Variants in TUBB4B observed in about 807,000 individuals in gnomAD.
TUBB4B encodes tubulin beta-4B chain.
Under a neutral mutation model 34.3 loss-of-function variants are expected in TUBB4B, and 7 were observed. That is an observed-to-expected ratio of 0.20 (90% CI 0.12 to 0.38). The LOEUF (loss-of-function observed/expected upper bound fraction) is 0.38. Ranked by LOEUF, TUBB4B falls within the 10% of genes least tolerant of loss-of-function variation. The pLI is 1.00. For missense variants in TUBB4B, 178 were observed against 610.9 expected (o/e 0.29, Z 7.47); for synonymous variants, 390 against 250.2 (o/e 1.56, Z -5.27).
chr9:137,241,350 C>T lies in TUBB4B; in HGVS notation c.-11C>T, dbSNP rs758324080. ...ACTTCCTCCTGCTTCCCCGCCGCCG[C>T]CGCCGCCATCATGAGGGAAATCGTG... is the stretch of plus-strand genomic sequence containing the variant. On this transcript the variant is annotated 5_prime_UTR_variant, in exon 1 of 4. Coordinates refer to ENST00000340384, the MANE Select transcript of TUBB4B (RefSeq NM_006088.6). 1.3e-6 allele frequency: 2 copies of T among 1,599,718 alleles called. No homozygotes were observed. The highest frequency in any genetic ancestry group is 1.7e-6 in the Non-Finnish European group (2 of 1,177,204).
chr9:137,241,780 C>A lies in TUBB4B; in HGVS notation c.117C>A (p.Asp39Glu), dbSNP rs761729901. ...GIDPTGTYHG[D>E]SDLQLERINV... ...ACCCCACGGGCACCTACCACGGGGACAGCGACCTGCAGCTGGAACGCATCA... is the reference window on the plus strand; with the variant it reads ...ACCCCACGGGCACCTACCACGGGGAAAGCGACCTGCAGCTGGAACGCATCA... Residue 39 changes from aspartate to glutamate, a missense_variant, in exon 2 of 4, where the codon GAC (aspartate) becomes GAA (glutamate). Transcript: ENST00000340384. 1 of 1,612,344 alleles carries A rather than the reference C, an allele frequency of 6.2e-7. No homozygotes were observed. Among genetic ancestry groups the A allele is most frequent in the South Asian group, 1.1e-5 (1 of 91,086 alleles).
At chr9:137,241,440 C>G (rs771523919) in intron 1 of TUBB4B, 23 bp downstream of exon 1, 1 of 1,561,406 alleles carries the variant, frequency 6.4e-7, no homozygotes, top group Admixed American at 1.8e-5. Context: ...GGCGCTGGGG[C>G]CAGGCGGGCC....
chr9:137,241,773 A>G lies in TUBB4B; in HGVS notation c.110A>G (p.His37Arg). ...EHGIDPTGTY[H>R]GDSDLQLERI... The stretch of plus-strand genomic sequence containing the variant: ...GGCATCGACCCCACGGGCACCTACC[A>G]CGGGGACAGCGACCTGCAGCTGGAA... Residue 37 changes from histidine (H) to arginine (R), a missense_variant, in exon 2 of 4, where the codon CAC becomes CGC. Coordinates refer to ENST00000340384, the MANE Select transcript of TUBB4B (RefSeq NM_006088.6). The G allele has an allele frequency of 6.2e-7, 1 of 1,612,186 alleles. No individual in the cohort carries two copies. The highest frequency in any genetic ancestry group is 8.5e-7 in the Non-Finnish European group (1 of 1,179,530).
At chr9:137,242,120 TCCTCTTCTCTGAGCCACTCAATCC>T in intron 3 of TUBB4B, 99 bp downstream of exon 3, 1 of 1,192,064 alleles carries the variant, frequency 8.4e-7, no homozygotes, top group Non-Finnish European at 1.2e-6. Flanking sequence ...CTGGACGCCC[TCCTCTTCTCTGAGCCACTCAATCC>T]CCTCTACTAA....
rs754121876 is a variant in TUBB4B at position 137,242,567 on chromosome 9, C to T, written c.349C>T (p.Leu117=). ...TEGAELVDSV[L]DVVRKEAESC... is the part of the protein sequence containing the mutation. ...AGGCGCGGAGCTGGTGGACTCGGTG[C>T]TGGATGTTGTGAGAAAGGAGGCTGA... Residue 117 remains leucine, a synonymous_variant, in exon 4 of 4, where the codon CTG becomes TTG. Transcript: ENST00000340384. The T allele has an allele frequency of 1.9e-5, 31 of 1,613,014 alleles. No individual in the cohort carries two copies. In the Middle Eastern group the frequency reaches 4.9e-4, roughly 26 times the overall value.
chr9:137,242,464 G>A lies in TUBB4B; in HGVS notation c.278-32G>A, dbSNP rs567714031. Reference sequence around the variant, plus strand: ...GGTGACCAGTAGTGCTGTCTACCTGGCTGACAAATGATTAGCTGTGTTCTC... The same window carrying A: ...GGTGACCAGTAGTGCTGTCTACCTGACTGACAAATGATTAGCTGTGTTCTC... On this transcript the variant is annotated intron_variant, in intron 3 of 3. Transcript: ENST00000340384. 2.3e-5 allele frequency: 36 copies of A among 1,599,252 alleles called. No homozygotes were observed. The South Asian group carries it at 3.2e-4, about 14-fold the overall frequency.
At chr9:137,242,331 T>C (rs1467553739) in intron 3 of TUBB4B, 165 bp from the exon 4 acceptor site, 10 of 853,278 alleles carry the variant, frequency 1.2e-5, no homozygotes, top group Admixed American at 2.9e-5. Context: ...ACTTAATTCG[T>C]AGCAGGGCAG....
intron 1 of TUBB4B, 148 bp downstream of exon 1, chr9:137,241,565 C>T (rs1368681786): frequency 3.6e-6 from 3 of 843,732 alleles, no homozygotes; most frequent in African/African-American, 1.8e-5. Flanking sequence ...GCCGGGCGAC[C>T]GAAGCCCCCA....
At chr9:137,241,869 C>T (rs972560993) in intron 2 of TUBB4B, 40 bp downstream of exon 2, 5 of 1,611,352 alleles carry the variant, frequency 3.1e-6, no homozygotes, top group South Asian at 2.2e-5. Flanking sequence ...CTCCGGGGAC[C>T]CCGCGGCCCC....
Position 137,242,582 on chromosome 9 carries a change from A to C in TUBB4B, c.364A>C (p.Lys122Gln). 6.2e-7 allele frequency: 1 copy of C among 1,613,884 alleles called. No homozygotes were observed. The highest frequency in any genetic ancestry group is 8.5e-7 in the Non-Finnish European group (1 of 1,180,012). Residue 122 changes from lysine to glutamine, a missense_variant, in exon 4 of 4, where the codon AAG becomes CAG. Transcript: ENST00000340384. ...LVDSVLDVVR[K>Q]EAESCDCLQG... ...GGACTCGGTGCTGGATGTTGTGAGA[A>C]AGGAGGCTGAGAGCTGTGACTGCCT...
rs1356121367 is a variant in TUBB4B at position 137,243,352 on chromosome 9, C to A, written c.1134C>A (p.Phe378Leu). 5.0e-6 allele frequency: 8 copies of A among 1,613,456 alleles called. No individual in the cohort carries two copies. The highest frequency in any genetic ancestry group is 2.2e-5 in the East Asian group (1 of 44,906). ...IGNSTAIQEL[F>L]KRISEQFTAM... ...ACAGCACGGCCATCCAGGAGCTGTTCAAGCGCATCTCCGAGCAGTTCACGG... is the reference window on the plus strand; with the variant it reads ...ACAGCACGGCCATCCAGGAGCTGTTAAAGCGCATCTCCGAGCAGTTCACGG... Residue 378 changes from phenylalanine to leucine, a missense_variant, in exon 4 of 4, where the codon TTC becomes TTA. By Grantham distance (22) the Phe-to-Leu change is conservative. Transcript: ENST00000340384.
Position 137,241,328 on chromosome 9 carries a change from T to G in TUBB4B, c.-33T>G. On this transcript the variant is annotated 5_prime_UTR_variant, in exon 1 of 4. Coordinates refer to ENST00000340384, the MANE Select transcript of TUBB4B (RefSeq NM_006088.6). ...GCTCTTCTGCTGCTGTTTGTCTACTTCCTCCTGCTTCCCCGCCGCCGCCGC... is the reference window on the plus strand; with the variant it reads ...GCTCTTCTGCTGCTGTTTGTCTACTGCCTCCTGCTTCCCCGCCGCCGCCGC... The G allele has an allele frequency of 1.3e-6, 2 of 1,590,158 alleles. No individual in the cohort carries two copies. The highest frequency in any genetic ancestry group is 1.4e-5 in the African/African-American group (1 of 73,916).
At chr9:137,242,090 G>T in intron 3 of TUBB4B, 69 bp downstream of exon 3, 4 of 1,487,330 alleles carry the variant, frequency 2.7e-6, no homozygotes, top group Non-Finnish European at 3.7e-6. Context: ...ACCGCCGTGG[G>T]AACTGCGCAG....
In TUBB4B at chr9:137,241,331, T is replaced by G. The variant is rs777529487; in HGVS notation, c.-30T>G. On this transcript the variant is annotated 5_prime_UTR_variant, in exon 1 of 4. Transcript: ENST00000340384. ...CTTCTGCTGCTGTTTGTCTACTTCCTCCTGCTTCCCCGCCGCCGCCGCCGC... is the reference window on the plus strand; with the variant it reads ...CTTCTGCTGCTGTTTGTCTACTTCCGCCTGCTTCCCCGCCGCCGCCGCCGC... 2.5e-6 allele frequency: 4 copies of G among 1,590,750 alleles called. No individual in the cohort carries two copies. The highest frequency in any genetic ancestry group is 1.7e-4 in the Middle Eastern group (1 of 6,032).
chr9:137,241,487 C>G (rs960695389), intron 1 of TUBB4B, 70 bp downstream of exon 1: 1 of 1,207,296 alleles, frequency 8.3e-7, no homozygotes, highest in African/African-American at 1.6e-5. Context: ...GGGAAGATGG[C>G]GGCAGCAGCG....
Position 137,242,315 on chromosome 9 carries a change from C to T in TUBB4B, c.278-181C>T, listed in dbSNP as rs551052532. On this transcript the variant is annotated intron_variant, in intron 3 of 3. Transcript: ENST00000340384. Reference sequence around the variant, plus strand: ...GGGTTTGTTAAGCTGTCAGGTTTGGCCCCTGACTTAATTCGTAGCAGGGCA... The same window carrying T: ...GGGTTTGTTAAGCTGTCAGGTTTGGTCCCTGACTTAATTCGTAGCAGGGCA... 47 of 775,882 alleles carry T rather than the reference C, an allele frequency of 6.1e-5. No homozygotes were observed. In the South Asian group the frequency reaches 8.6e-4, roughly 14 times the overall value. 48.1% of individuals were successfully genotyped at this position (775,882 alleles called of 1,614,324 possible).
intron 1 of TUBB4B, 78 bp downstream of exon 1, chr9:137,241,495 G>C: frequency 8.5e-7 from 1 of 1,170,668 alleles, no homozygotes; most frequent in Non-Finnish European, 1.1e-6. Context: ...GGCGGCAGCA[G>C]CGGCCGGGCG....
Position 137,241,312 on chromosome 9 carries a change from C to G in TUBB4B, c.-49C>G, listed in dbSNP as rs374708754. On this transcript the variant is annotated 5_prime_UTR_variant, in exon 1 of 4. Coordinates refer to ENST00000340384, the MANE Select transcript of TUBB4B (RefSeq NM_006088.6). ...AGCACTCTGCGCGCCCGCTCTTCTG[C>G]TGCTGTTTGTCTACTTCCTCCTGCT... The G allele has an allele frequency of 1.0e-5, 16 of 1,579,350 alleles. No homozygotes were observed. Among genetic ancestry groups the G allele is most frequent in the Non-Finnish European group, 1.3e-5 (15 of 1,169,082 alleles).
At chr9:137,242,308 G>C in intron 3 of TUBB4B, 188 bp from the exon 4 acceptor site, 1 of 754,250 alleles carries the variant, frequency 1.3e-6, no homozygotes, top group Non-Finnish European at 2.1e-6. Flanking sequence ...TAAGCTGTCA[G>C]GTTTGGCCCC....
Sources: allele counts gnomAD v4.1 joint callset, GRCh38; gene constraint gnomAD v4.1.1; transcripts MANE v1.5; gene names NCBI Gene and HGNC (gene_info 2026-07-23, HGNC 2026-07-21).